Variants in ZFR observed in about 807,000 individuals in gnomAD.
ZFR encodes the protein zinc finger RNA binding protein.
ZFR carries 19 observed loss-of-function variants against 130.7 expected under a neutral mutation model. That is an observed-to-expected ratio of 0.15 (90% CI 0.10 to 0.21). The LOEUF is 0.21. Ranked by LOEUF, ZFR falls within the 10% of genes least tolerant of loss-of-function variation. The pLI is 1.00. For missense variants in ZFR, 872 were observed against 1,321.5 expected, an observed-to-expected ratio of 0.66 and a Z score of 5.27; for synonymous variants, 466 against 456.9, an observed-to-expected ratio of 1.02 and a Z score of -0.25.
At chr5:32,357,679 T>C (rs76221218) in intron 19 of ZFR, among the ~76,000 whole-genome samples, 2,189 of 152,342 alleles carry the variant, frequency 0.014, 64 homozygotes, top group African/African-American at 0.051. Flanking sequence ...ACTTCCTGTA[T>C]TTACAGCCTT....
At chr5:32,408,868 C>T (rs1480868817) in intron 5 of ZFR, among the ~76,000 whole-genome samples, 1 of 152,164 alleles carries the variant, frequency 6.6e-6, no homozygotes, top group African/African-American at 2.4e-5. Flanking sequence ...ACTTTATATA[C>T]TATAGTAGCC....
intron 10 of ZFR, among the ~76,000 whole-genome samples, chr5:32,396,757 A>C (rs1272770227): frequency 6.6e-6 from 1 of 151,748 alleles, no homozygotes; most frequent in African/African-American, 2.4e-5. Flanking sequence ...AAAAAAAAAA[A>C]CTTCAAATAC....
intron 17 of ZFR, among the ~76,000 whole-genome samples, chr5:32,370,869 C>T (rs1752656532): frequency 6.6e-6 from 1 of 152,178 alleles, no homozygotes. Flanking sequence ...CATTTTCAAT[C>T]CTCATTGCAG....
intron 11 of ZFR, among the ~76,000 whole-genome samples, chr5:32,393,345 ATTTT>A (rs199542795): frequency 6.8e-6 from 1 of 146,040 alleles, no homozygotes; most frequent in Non-Finnish European, 1.5e-5. Context: ...TTAGTTTTAA[ATTTT>A]TTTTTTTTTT....
chr5:32,409,594 C>T (rs992674470), intron 5 of ZFR, among the ~76,000 whole-genome samples: 7 of 151,970 alleles, frequency 4.6e-5, no homozygotes, highest in South Asian at 2.1e-4. Context: ...TTAGTAGAGA[C>T]GGGGTTTTAC....
At chr5:32,408,662 C>T (rs938469397) in intron 5 of ZFR, among the ~76,000 whole-genome samples, 1 of 152,124 alleles carries the variant, frequency 6.6e-6, no homozygotes. Context: ...TTATCACATT[C>T]GTAAGTAATA....
At chr5:32,419,179 T>C (rs1451160564) in intron 3 of ZFR, among the ~76,000 whole-genome samples, 1 of 152,254 alleles carries the variant, frequency 6.6e-6, no homozygotes, top group Non-Finnish European at 1.5e-5. Flanking sequence ...GTCTTTTCTA[T>C]GTCTTCAGTT....
intron 15 of ZFR, among the ~76,000 whole-genome samples, chr5:32,381,758 C>T (rs929226890): frequency 1.3e-5 from 2 of 152,052 alleles, no homozygotes; most frequent in African/African-American, 4.8e-5. Context: ...CAGATGGACA[C>T]AGATTCTTCA....
At chr5:32,389,877 G>GA (rs1321702713) in intron 12 of ZFR, among the ~76,000 whole-genome samples, 4 of 152,226 alleles carry the variant, frequency 2.6e-5, no homozygotes, top group Non-Finnish European at 5.9e-5. Flanking sequence ...CAAGCTGGGT[G>GA]AGGTGGCTCA....
chr5:32,373,949 A>G (rs555302561), intron 17 of ZFR, among the ~76,000 whole-genome samples: 37 of 152,128 alleles, frequency 2.4e-4, no homozygotes, highest in African/African-American at 8.7e-4. Flanking sequence ...ACGGCTCTCT[A>G]CCCTCAAAGA....
At chr5:32,369,546 C>A (rs1190450986) in intron 17 of ZFR, among the ~76,000 whole-genome samples, 1 of 151,712 alleles carries the variant, frequency 6.6e-6, no homozygotes, top group Non-Finnish European at 1.5e-5. Context: ...TGGCTCACGC[C>A]TATAATCCCA....
rs562213782 is a variant in ZFR at position 32,421,597 on chromosome 5, A to C, written c.138-1494T>G. Among the ~76,000 whole-genome samples the C allele has an allele frequency of 3.9e-5, 6 of 152,308 alleles. No individual in the cohort carries two copies. The South Asian group carries it at 1.0e-3, about 26-fold the overall frequency. On this transcript the variant is annotated intron_variant, in intron 2 of 19. Coordinates refer to ENST00000265069, the MANE Select transcript of ZFR (RefSeq NM_016107.5). ...CACCTGGAGAAATTCAGTCTAGAAA[A>C]GGTGACAGATGCCTTCTAATAGAAG... is the stretch of plus-strand genomic sequence containing the variant.
At chr5:32,378,014 T>C (rs1325586065) in intron 17 of ZFR, among the ~76,000 whole-genome samples, 1 of 152,216 alleles carries the variant, frequency 6.6e-6, no homozygotes, top group African/African-American at 2.4e-5. Context: ...GCCTATCATA[T>C]TGTTAACTAT....
intron 19 of ZFR, among the ~76,000 whole-genome samples, chr5:32,363,120 A>T (rs2111658370): frequency 6.6e-6 from 1 of 152,340 alleles, no homozygotes; most frequent in Middle Eastern, 3.4e-3. Context: ...TGATCCTGAC[A>T]TCTTTCAAAT....
chr5:32,359,122 T>C (rs951693631), intron 19 of ZFR, among the ~76,000 whole-genome samples: 6 of 151,700 alleles, frequency 4.0e-5, no homozygotes, highest in African/African-American at 1.5e-4. Context: ...AGGTTGAGGC[T>C]GCAGTGGGCC....
At chr5:32,428,395 C>G (rs1252950214) in intron 2 of ZFR, among the ~76,000 whole-genome samples, 2 of 152,084 alleles carry the variant, frequency 1.3e-5, no homozygotes, top group Non-Finnish European at 2.9e-5. Context: ...GCCTGGACAA[C>G]AGAGAGAGTC....
At chr5:32,398,578 A>G (rs1753371227) in intron 9 of ZFR, among the ~76,000 whole-genome samples, 1 of 152,252 alleles carries the variant, frequency 6.6e-6, no homozygotes, top group Non-Finnish European at 1.5e-5. Context: ...TACTCCTTTA[A>G]GAGATGAAAC....
chr5:32,437,983 T>A (rs779854530), intron 2 of ZFR, among the ~76,000 whole-genome samples: 5 of 152,246 alleles, frequency 3.3e-5, no homozygotes, highest in Non-Finnish European at 7.4e-5. Flanking sequence ...AAAAATCCTA[T>A]GAGATTTTTA....
chr5:32,434,849 C>G (rs1754299456), intron 2 of ZFR, among the ~76,000 whole-genome samples: 1 of 152,176 alleles, frequency 6.6e-6, no homozygotes, highest in Admixed American at 6.5e-5. Context: ...AAGAAACTCA[C>G]TATTGATTGG....
Sources: gnomAD v4.1 joint callset for allele counts (sites outside exome capture counted in the v4.1 genomes callset) on GRCh38, gnomAD v4.1.1 for gene constraint, MANE v1.5 for transcripts, NCBI Gene and HGNC (gene_info 2026-07-23, HGNC 2026-07-21) for gene names.